The following WDPCP variants were observed in gnomAD, a reference collection of about 807,000 sequenced individuals.
The protein encoded by WDPCP is WD repeat containing planar cell polarity effector.
In WDPCP, 71 loss-of-function variants were observed where a neutral mutation model predicts 93.1. That is an observed-to-expected ratio of 0.76 (90% CI 0.63 to 0.93). The LOEUF (loss-of-function observed/expected upper bound fraction) is 0.93, where lower values mean the gene tolerates loss of function less well. Among genes scored for constraint, WDPCP ranks in the 40% least tolerant of loss-of-function variants. The pLI is 0.00. For missense variants in WDPCP, 844 were observed against 887.4 expected (o/e 0.95, Z 0.62); for synonymous variants, 315 against 315.0 (o/e 1.00, Z 0.00).
intron 1 of WDPCP, among the ~76,000 whole-genome samples, chr2:63,498,235 T>C (rs1476777058): frequency 6.6e-6 from 1 of 152,192 alleles, no homozygotes; most frequent in Non-Finnish European, 1.5e-5. Flanking sequence ...TTTAATTACA[T>C]AAGGCATTGA....
chr2:63,576,067 A>G (rs1243410163), intron 1 of WDPCP, among the ~76,000 whole-genome samples: 1 of 152,124 alleles, frequency 6.6e-6, no homozygotes, highest in Non-Finnish European at 1.5e-5. Context: ...CTCACACACC[A>G]CTCAACACAT....
chr2:63,449,544 G>A (rs12995715), intron 6 of WDPCP, among the ~76,000 whole-genome samples: 1 of 151,926 alleles, frequency 6.6e-6, no homozygotes, highest in African/African-American at 2.4e-5. Flanking sequence ...GACCCTGAGG[G>A]GCTTGGTAAT....
At chr2:63,575,445 A>ATACTGTGTATACAGTGTATG (rs1707938643) in intron 1 of WDPCP, among the ~76,000 whole-genome samples, 2 of 12,446 alleles carry the variant, frequency 1.6e-4, no homozygotes, top group East Asian at 0.042. Context: ...TACAGTGTAT[A>ATACTGTGTATACAGTGTATG]CACTGTATAT....
At chr2:63,255,338 C>T (rs1323861239) in intron 14 of WDPCP, among the ~76,000 whole-genome samples, 1 of 152,090 alleles carries the variant, frequency 6.6e-6, no homozygotes, top group Non-Finnish European at 1.5e-5. Flanking sequence ...TTAAAATGTC[C>T]TTATTTGCTG....
At chr2:63,393,286 C>T (rs1693430799) in intron 10 of WDPCP, among the ~76,000 whole-genome samples, 1 of 151,774 alleles carries the variant, frequency 6.6e-6, no homozygotes, top group African/African-American at 2.4e-5. Context: ...ATCACAAAGA[C>T]AGAAAACCAA....
At chr2:63,775,263 G>T (rs1371136788) in intron 2 of WDPCP, among the ~76,000 whole-genome samples, 1 of 152,188 alleles carries the variant, frequency 6.6e-6, no homozygotes, top group Non-Finnish European at 1.5e-5. Context: ...TAGATCAGCA[G>T]TGAGCTGGAT....
chr2:63,167,931 A>G (rs534081483), intron 15 of WDPCP, among the ~76,000 whole-genome samples: 21 of 152,184 alleles, frequency 1.4e-4, no homozygotes, highest in African/African-American at 4.8e-4. Flanking sequence ...CCTGGGCAAC[A>G]TGGCAAAACG....
intron 3 of WDPCP, among the ~76,000 whole-genome samples, chr2:63,638,189 A>G (rs1028622790): frequency 1.3e-5 from 2 of 152,206 alleles, no homozygotes; most frequent in Non-Finnish European, 2.9e-5. Flanking sequence ...GCAAACCTTC[A>G]GTAATAAGAT....
At chr2:63,823,973 A>C (rs552318394) in intron 1 of WDPCP, among the ~76,000 whole-genome samples, 3 of 152,072 alleles carry the variant, frequency 2.0e-5, no homozygotes, top group Admixed American at 1.3e-4. Context: ...CAGGGGTTTG[A>C]GACCAGCCTG....
At position 63,360,385 on chromosome 2, in the gene WDPCP, G is replaced by T. The variant is rs1363611601; in HGVS notation, c.1748+18001C>A. Among the ~76,000 whole-genome samples the T allele has an allele frequency of 2.6e-5, 4 of 152,128 alleles. No homozygotes were observed. In the East Asian group the frequency reaches 7.7e-4, roughly 29 times the overall value. On this transcript the variant is annotated intron_variant, in intron 12 of 17. Coordinates refer to ENST00000272321, the MANE Select transcript of WDPCP (RefSeq NM_015910.7). ...AAAAGCTAATCAAGAAGACTACTTT[G>T]ACTCCCTTCCAGAAACCCTTGTTGG...
chr2:63,486,595 G>A lies in WDPCP; in HGVS notation c.209-9C>T. 1 of 1,569,416 alleles carries A rather than the reference G, an allele frequency of 6.4e-7. No homozygotes were observed. The highest frequency in any genetic ancestry group is 8.7e-7 in the Non-Finnish European group (1 of 1,154,184). On this transcript the variant is annotated splice_polypyrimidine_tract_variant and intron_variant, in intron 3 of 17. Coordinates refer to ENST00000272321, the MANE Select transcript of WDPCP (RefSeq NM_015910.7). The stretch of plus-strand genomic sequence containing the variant: ...GTTACCATGCTCTGTCGCTGATATT[G>A]TGGCAGAAGGGATAGAAAGAAAAAA...
upstream of WDPCP, chr2:63,590,106 C>T (rs965396907): frequency 6.6e-6 from 1 of 152,202 alleles, no homozygotes; most frequent in African/African-American, 2.4e-5. Flanking sequence ...ACCTAGGTTT[C>T]CTAAATGTTT....
At chr2:63,683,477 A>T (rs1305464081) in intron 2 of WDPCP, among the ~76,000 whole-genome samples, 1 of 152,114 alleles carries the variant, frequency 6.6e-6, no homozygotes, top group Non-Finnish European at 1.5e-5. Flanking sequence ...TTAAAATATC[A>T]TATTATGATA....
chr2:63,824,537 CAAAAAAAAAAAAAAAAAA>C (rs70965144), intron 1 of WDPCP, among the ~76,000 whole-genome samples: 1 of 85,330 alleles, frequency 1.2e-5, no homozygotes, highest in South Asian at 4.7e-4. Context: ...GACCATGTTT[CAAAAAAAAAAAAAAAAAA>C]AAAAAAAACA....
At chr2:63,592,458 C>G (rs769681948), upstream of WDPCP, among the ~76,000 whole-genome samples, 13 of 152,216 alleles carry the variant, frequency 8.5e-5, no homozygotes, top group Non-Finnish European at 1.8e-4. Context: ...TCAAGTGATT[C>G]TCCTACCTCA....
At chr2:63,441,593 A>G (rs1697509149) in intron 6 of WDPCP, 1 of 152,056 alleles carries the variant, frequency 6.6e-6, no homozygotes, top group African/African-American at 2.4e-5. Flanking sequence ...GTTTGGAGAA[A>G]GAATCACAAC....
At chr2:63,240,063 G>C (rs1405305135) in intron 14 of WDPCP, among the ~76,000 whole-genome samples, 1 of 152,064 alleles carries the variant, frequency 6.6e-6, no homozygotes, top group Non-Finnish European at 1.5e-5. Flanking sequence ...AGACTCTTCT[G>C]TATCTTTATT....
intron 12 of WDPCP, among the ~76,000 whole-genome samples, chr2:63,321,713 GTA>G (rs1687109324): frequency 6.6e-6 from 1 of 152,066 alleles, no homozygotes; most frequent in African/African-American, 2.4e-5. Context: ...TTGTTATACA[GTA>G]TATAATAATC....
intron 2 of WDPCP, among the ~76,000 whole-genome samples, chr2:63,715,684 A>G (rs1265821401): frequency 6.6e-6 from 1 of 152,250 alleles, no homozygotes; most frequent in African/African-American, 2.4e-5. Context: ...TCTTGCAATT[A>G]GTGATCTGTA....
Sources: gnomAD v4.1 joint callset for allele counts (sites outside exome capture counted in the v4.1 genomes callset) on GRCh38, gnomAD v4.1.1 for gene constraint, MANE v1.5 for transcripts, NCBI Gene and HGNC (gene_info 2026-07-23, HGNC 2026-07-21) for gene names.